PLA2G4A: variants seen among roughly 807,000 people sequenced by gnomAD.
PLA2G4A encodes phospholipase A2 group IVA.
In PLA2G4A, 40 loss-of-function variants were observed where a neutral mutation model predicts 81.9. The ratio of observed to expected loss-of-function variants is 0.49; its 90% CI spans 0.38 to 0.64. The LOEUF is 0.64. Among genes scored for constraint, PLA2G4A ranks in the 30% least tolerant of loss-of-function variants. The pLI is 0.00. For synonymous variants in PLA2G4A, 302 were observed against 296.9 expected (o/e 1.02, Z -0.18); for missense variants, 715 against 905.1 (o/e 0.79, Z 2.69).
chr1:186,843,172 A>G (rs1349933699), intron 1 of PLA2G4A, among the ~76,000 whole-genome samples: 1 of 152,186 alleles, frequency 6.6e-6, no homozygotes. Flanking sequence ...AAGTAGTGAT[A>G]ATAATCCCTA....
chr1:186,970,826 G>T (rs534399765), intron 15 of PLA2G4A, among the ~76,000 whole-genome samples: 1 of 152,098 alleles, frequency 6.6e-6, no homozygotes, highest in Non-Finnish European at 1.5e-5. Flanking sequence ...AGTATAATTT[G>T]AAGTCAGGTA....
At chr1:186,850,114 G>T (rs982822909) in intron 1 of PLA2G4A, among the ~76,000 whole-genome samples, 4 of 152,094 alleles carry the variant, frequency 2.6e-5, no homozygotes, top group Non-Finnish European at 5.9e-5. Flanking sequence ...AATTCAGTGG[G>T]CTGTTACCAG....
At chr1:186,872,520 C>T (rs1020124078) in intron 3 of PLA2G4A, among the ~76,000 whole-genome samples, 1 of 151,748 alleles carries the variant, frequency 6.6e-6, no homozygotes, top group African/African-American at 2.4e-5. Flanking sequence ...CCCCCCACCC[C>T]TTTTTTTTAA....
intron 5 of PLA2G4A, among the ~76,000 whole-genome samples, chr1:186,905,290 A>G (rs1199950987): frequency 3.3e-5 from 5 of 152,168 alleles, no homozygotes; most frequent in African/African-American, 7.2e-5. Context: ...AAAACTCTAC[A>G]TAGAGTTGTA....
chr1:186,983,097 AAAG>A (rs1657781964), intron 17 of PLA2G4A, among the ~76,000 whole-genome samples: 2 of 149,832 alleles, frequency 1.3e-5, no homozygotes, highest in Non-Finnish European at 1.5e-5. Context: ...AAAAAAAAAA[AAAG>A]AAAAGAAAAG....
At chr1:186,956,410 G>A (rs1302093466) in intron 14 of PLA2G4A, 66 bp downstream of exon 14, 2 of 1,392,590 alleles carry the variant, frequency 1.4e-6, no homozygotes, top group African/African-American at 2.8e-5. Context: ...CTGGAGAGAA[G>A]CATTTTAATT....
intron 7 of PLA2G4A, among the ~76,000 whole-genome samples, chr1:186,918,892 A>C (rs895203772): frequency 5.9e-5 from 9 of 152,208 alleles, no homozygotes; most frequent in Admixed American, 2.6e-4. Context: ...GTTTTGCCCA[A>C]GGGTTAGTTT....
intron 5 of PLA2G4A, among the ~76,000 whole-genome samples, chr1:186,899,381 G>A (rs1179535795): frequency 6.6e-6 from 1 of 152,140 alleles, no homozygotes; most frequent in Non-Finnish European, 1.5e-5. Context: ...CAGGATCATT[G>A]CGGGTGACAG....
At chr1:186,844,674 A>T (rs1355077129) in intron 1 of PLA2G4A, among the ~76,000 whole-genome samples, 2 of 152,204 alleles carry the variant, frequency 1.3e-5, no homozygotes, top group Non-Finnish European at 2.9e-5. Flanking sequence ...ATTAGGAGAT[A>T]TACCTAATGT....
intron 1 of PLA2G4A, among the ~76,000 whole-genome samples, chr1:186,840,949 A>G (rs1273343174): frequency 6.6e-6 from 1 of 152,254 alleles, no homozygotes; most frequent in Non-Finnish European, 1.5e-5. Flanking sequence ...TGTAGAAGTA[A>G]TGCTGTTGTC....
At chr1:186,923,134 C>G (rs1416527953) in intron 7 of PLA2G4A, among the ~76,000 whole-genome samples, 2 of 152,128 alleles carry the variant, frequency 1.3e-5, no homozygotes, top group Non-Finnish European at 2.9e-5. Flanking sequence ...TCCTCCCTTA[C>G]TGGGATTACA....
intron 14 of PLA2G4A, among the ~76,000 whole-genome samples, chr1:186,960,614 C>G (rs1487680890): frequency 2.0e-5 from 3 of 152,302 alleles, no homozygotes; most frequent in East Asian, 3.9e-4. Flanking sequence ...AGATACCCTA[C>G]TGAGTTTAAG....
chr1:186,928,191 G>A lies in PLA2G4A; in HGVS notation c.559-4572G>A, dbSNP rs555659636. On this transcript the variant is annotated intron_variant, in intron 7 of 17. Transcript: ENST00000367466. ...GTTAGATATCCAAGGGACCCAGACT[G>A]CACTCAGCAAGGTGGTGCACTCTGA... 3.9e-5 allele frequency among the ~76,000 whole-genome samples: 6 copies of A among 152,238 alleles called. No homozygotes were observed. The South Asian group carries it at 1.2e-3, about 32-fold the overall frequency.
At chr1:186,910,859 G>T (rs1354561233) in intron 6 of PLA2G4A, among the ~76,000 whole-genome samples, 1 of 152,172 alleles carries the variant, frequency 6.6e-6, no homozygotes, top group African/African-American at 2.4e-5. Flanking sequence ...TATGATGGTG[G>T]AATAGTGAAG....
chr1:186,838,019 A>G (rs1651850880), intron 1 of PLA2G4A, among the ~76,000 whole-genome samples: 1 of 152,110 alleles, frequency 6.6e-6, no homozygotes, highest in Non-Finnish European at 1.5e-5. Context: ...TTCTCAGTGA[A>G]GGAAGATGAG....
At chr1:186,873,582 A>G (rs1653364427) in intron 3 of PLA2G4A, among the ~76,000 whole-genome samples, 2 of 152,106 alleles carry the variant, frequency 1.3e-5, no homozygotes, top group African/African-American at 4.8e-5. Context: ...AAAATCAACT[A>G]GTTAATTCTT....
chr1:186,939,492 GAAAAAAAAA>G lies in PLA2G4A; in HGVS notation c.918+275_918+283del, dbSNP rs10599543. Among the ~76,000 whole-genome samples, 67 of 143,198 alleles carry G rather than the reference GAAAAAAAAA, an allele frequency of 4.7e-4. 1 individual carries two copies. Among genetic ancestry groups the G allele is most frequent in the African/African-American group, 1.5e-3 (61 of 40,006 alleles). 93.9% of individuals were successfully genotyped at this position (143,198 alleles called of 152,430 possible). On this transcript the variant is annotated intron_variant, in intron 9 of 17. Coordinates refer to ENST00000367466, the MANE Select transcript of PLA2G4A (RefSeq NM_024420.3). ...AGTGCTTTTGTATTCCTTTTCTCTG[GAAAAAAAAA>G]AAAAAAAAAAAATTCACATTTTAAC...
chr1:186,837,565 TAA>T (rs199536345), intron 1 of PLA2G4A, among the ~76,000 whole-genome samples: 10 of 138,604 alleles, frequency 7.2e-5, no homozygotes, highest in Admixed American at 7.2e-5. Flanking sequence ...CCATCTGTAC[TAA>T]AAAAAAAAAA....
Position 186,956,918 on chromosome 1 carries a change from G to A in PLA2G4A, c.1579+574G>A, listed in dbSNP as rs192772715. Among the ~76,000 whole-genome samples the A allele has an allele frequency of 1.3e-3, 191 of 152,216 alleles. 1 individual carries two copies. The highest frequency in any genetic ancestry group is 3.7e-3 in the Admixed American group (56 of 15,290). On this transcript the variant is annotated intron_variant, in intron 14 of 17. Coordinates refer to ENST00000367466, the MANE Select transcript of PLA2G4A (RefSeq NM_024420.3). ...TATTGAGGAGGACGGCCGGGGAGCA[G>A]TGGCTCACTCCTGTAATCCTAGCAC...
Sources: allele counts gnomAD v4.1 joint callset (sites outside exome capture counted in the v4.1 genomes callset), GRCh38; gene constraint gnomAD v4.1.1; transcripts MANE v1.5; gene names NCBI Gene and HGNC (gene_info 2026-07-23, HGNC 2026-07-21).